Variants in STAG1 observed in about 807,000 individuals in gnomAD.
The protein encoded by STAG1 is STAG1 cohesin complex component.
In STAG1, 26 loss-of-function variants were observed where a neutral mutation model predicts 170.9. The observed-to-expected ratio is 0.15, with a 90% CI of 0.11 to 0.21. The LOEUF is 0.21. STAG1 is among the 10% of genes least tolerant of loss of function. STAG1 has a pLI of 1.00. For synonymous variants in STAG1, 514 were observed against 497.7 expected, an observed-to-expected ratio of 1.03 and a Z score of -0.44; for missense variants, 964 against 1,509.5, an observed-to-expected ratio of 0.64 and a Z score of 5.99.
intron 1 of STAG1, among the ~76,000 whole-genome samples, chr3:136,670,105 T>C (rs1305048609): frequency 1.3e-5 from 2 of 152,232 alleles, no homozygotes; most frequent in Non-Finnish European, 2.9e-5. Flanking sequence ...CCCAGGAGTC[T>C]ACAGTCAAGT....
At chr3:136,430,852 C>T (rs1034083629) in intron 16 of STAG1, among the ~76,000 whole-genome samples, 3 of 141,854 alleles carry the variant, frequency 2.1e-5, no homozygotes, top group African/African-American at 7.8e-5. Flanking sequence ...CACACACACA[C>T]AGCCTTTTAC....
chr3:136,626,544 G>A (rs770104214), intron 2 of STAG1, among the ~76,000 whole-genome samples: 2 of 152,064 alleles, frequency 1.3e-5, no homozygotes, highest in Non-Finnish European at 2.9e-5. Flanking sequence ...GCAGCCATAT[G>A]CAATATGCAA....
intron 1 of STAG1, among the ~76,000 whole-genome samples, chr3:136,647,781 T>C (rs1336784796): frequency 1.3e-5 from 2 of 152,190 alleles, no homozygotes; most frequent in African/African-American, 4.8e-5. Flanking sequence ...TTGTTTTCCT[T>C]TGAAGAAAGG....
intron 4 of STAG1, among the ~76,000 whole-genome samples, chr3:136,601,585 C>T (rs1454728892): frequency 1.3e-5 from 2 of 151,862 alleles, no homozygotes; most frequent in African/African-American, 2.4e-5. Context: ...GAGGGTGAGG[C>T]GGGCAGACCA....
intron 6 of STAG1, among the ~76,000 whole-genome samples, chr3:136,541,556 A>ACG (rs1559869132): frequency 1.8e-5 from 2 of 110,480 alleles, no homozygotes; most frequent in Non-Finnish European, 4.7e-5. Flanking sequence ...ACACACACAC[A>ACG]CACACACACA....
chr3:136,406,186 C>T (rs1185528615), intron 21 of STAG1, among the ~76,000 whole-genome samples: 1 of 152,156 alleles, frequency 6.6e-6, no homozygotes, highest in African/African-American at 2.4e-5. Context: ...AGTATCCACA[C>T]AGTGGAATAT....
chr3:136,649,796 C>A (rs1941154296), intron 1 of STAG1, among the ~76,000 whole-genome samples: 1 of 151,326 alleles, frequency 6.6e-6, no homozygotes, highest in Admixed American at 6.6e-5. Context: ...GAGACAGAGT[C>A]TCACTCTGTC....
At chr3:136,595,802 GCC>G (rs1938402408) in intron 4 of STAG1, among the ~76,000 whole-genome samples, 1 of 149,432 alleles carries the variant, frequency 6.7e-6, no homozygotes, top group Non-Finnish European at 1.5e-5. Context: ...AGCCTTACCT[GCC>G]CACCAAATCA....
intron 1 of STAG1, chr3:136,736,650 G>A (rs1934353124): frequency 1.2e-6 from 2 of 1,604,052 alleles, no homozygotes; most frequent in Non-Finnish European, 1.7e-6. Context: ...TTCCCGTTTG[G>A]CTTTTTCTTG....
At chr3:136,682,631 T>G (rs868004203) in intron 1 of STAG1, among the ~76,000 whole-genome samples, 2 of 151,850 alleles carry the variant, frequency 1.3e-5, no homozygotes, top group African/African-American at 2.4e-5. Flanking sequence ...AGAATTCCAT[T>G]TACAATACCA....
At chr3:136,431,308 T>G (rs984256929) in intron 16 of STAG1, among the ~76,000 whole-genome samples, 1 of 152,156 alleles carries the variant, frequency 6.6e-6, no homozygotes, top group Non-Finnish European at 1.5e-5. Flanking sequence ...AGTCTCACTC[T>G]GTTGCCCAGG....
Position 136,338,113 on chromosome 3 carries a change from A to G in STAG1, c.*141T>C, listed in dbSNP as rs528290408. 2 of 627,394 alleles carry G rather than the reference A, an allele frequency of 3.2e-6. No homozygotes were observed. Among genetic ancestry groups the G allele is most frequent in the East Asian group, 5.5e-5 (2 of 36,202 alleles). The allele number at this position is 627,394 out of a possible 1,614,324, so 38.9% of individuals were successfully genotyped here. ...TTACATGCTCCTCTTCTGTCACTGC[A>G]AAAAGGGATTGACCTTAATCATTTG... On this transcript the variant is annotated 3_prime_UTR_variant, in exon 34 of 34. Transcript: ENST00000383202.
rs374454160 is a variant in STAG1 at position 136,354,646 on chromosome 3, C to A, written c.3065+3074G>T. 4.0e-5 allele frequency among the ~76,000 whole-genome samples: 6 copies of A among 149,204 alleles called. No homozygotes were observed. In the East Asian group the frequency reaches 1.2e-3, roughly 30 times the overall value. On this transcript the variant is annotated intron_variant, in intron 28 of 33. Transcript: ENST00000383202. ...TATACTGTAAGGCCTGGTAAGGCCACTAGGAAAATAACTAAAAAAATACAA... is the reference window on the plus strand; with the variant it reads ...TATACTGTAAGGCCTGGTAAGGCCAATAGGAAAATAACTAAAAAAATACAA...
intron 21 of STAG1, among the ~76,000 whole-genome samples, chr3:136,401,037 T>C (rs528047438): frequency 1.3e-5 from 2 of 152,280 alleles, no homozygotes; most frequent in Admixed American, 6.5e-5. Flanking sequence ...TATAGTTTAA[T>C]AACCTCTGTA....
At chr3:136,372,081 G>A (rs1373240842) in intron 23 of STAG1, among the ~76,000 whole-genome samples, 60 of 152,168 alleles carry the variant, frequency 3.9e-4, no homozygotes, top group Non-Finnish European at 2.8e-4. Flanking sequence ...CATCCCTTGT[G>A]AGTTGGATTC....
chr3:136,375,780 C>A (rs1276336234), intron 23 of STAG1, among the ~76,000 whole-genome samples: 1 of 151,288 alleles, frequency 6.6e-6, no homozygotes, highest in Non-Finnish European at 1.5e-5. Flanking sequence ...ACCAGCCTGG[C>A]CAACACAGTG....
At chr3:136,341,285 T>C (rs1196416394) in intron 31 of STAG1, among the ~76,000 whole-genome samples, 156 bp downstream of exon 31, 3 of 152,234 alleles carry the variant, frequency 2.0e-5, no homozygotes, top group Non-Finnish European at 4.4e-5. Flanking sequence ...GCTGAAAGTG[T>C]TAAGAACTCA....
At chr3:136,383,799 C>T (rs1024010606) in intron 22 of STAG1, among the ~76,000 whole-genome samples, 1 of 151,526 alleles carries the variant, frequency 6.6e-6, no homozygotes, top group Admixed American at 6.6e-5. Context: ...ACTAAAAATA[C>T]AAAAAATTAG....
At chr3:136,557,983 C>T (rs1054320194) in intron 5 of STAG1, among the ~76,000 whole-genome samples, 1 of 152,130 alleles carries the variant, frequency 6.6e-6, no homozygotes, top group Admixed American at 6.5e-5. Flanking sequence ...CAAAGACAGA[C>T]AAAAATCCCT....
Sources: allele counts gnomAD v4.1 joint callset (sites outside exome capture counted in the v4.1 genomes callset), GRCh38; gene constraint gnomAD v4.1.1; transcripts MANE v1.5; gene names NCBI Gene and HGNC (gene_info 2026-07-23, HGNC 2026-07-21).